Variants in ATP2A2 observed in about 807,000 individuals in gnomAD.
ATP2A2 encodes the protein ATPase sarcoplasmic/endoplasmic reticulum Ca2+ transporting 2.
ATP2A2 carries 14 observed loss-of-function variants against 109.3 expected under a neutral mutation model. The ratio of observed to expected loss-of-function variants is 0.13; its 90% CI spans 0.08 to 0.20. ATP2A2 has a LOEUF of 0.20. Ranked by LOEUF, ATP2A2 falls within the 10% of genes least tolerant of loss-of-function variation. The probability of loss-of-function intolerance (pLI) is 1.00; values close to 1 mark genes in which losing one functional copy is unlikely to be tolerated. For missense variants in ATP2A2, 657 were observed against 1,321.6 expected, an observed-to-expected ratio of 0.50 and a Z score of 7.80; for synonymous variants, 506 against 490.9, an observed-to-expected ratio of 1.03 and a Z score of -0.41.
intron 5 of ATP2A2, among the ~76,000 whole-genome samples, chr12:110,297,617 T>C (rs1172317469): frequency 6.6e-6 from 1 of 151,590 alleles, no homozygotes; most frequent in African/African-American, 2.4e-5. Flanking sequence ...TTTTTTTGTT[T>C]TGTTTTGTTT....
rs1872082015 is a variant in ATP2A2 at position 110,281,529 on chromosome 12, C to G, written c.-261C>G. 4.5e-6 allele frequency: 1 copy of G among 224,226 alleles called. No individual in the cohort carries two copies. The highest frequency in any genetic ancestry group is 8.7e-6 in the Non-Finnish European group (1 of 115,232). 13.9% of individuals were successfully genotyped at this position (224,226 alleles called of 1,614,324 possible). A position where few individuals can be genotyped will look rare whatever the true frequency, so the allele number is the denominator to read the frequency against. ...GCGGCTGAGGGCGAGGGAGGCCCTC[C>G]CTTCTGGCGAGGGGAGGGAGGGTGG... is the stretch of plus-strand genomic sequence containing the variant. On this transcript the variant is annotated 5_prime_UTR_variant, in exon 1 of 20. Transcript: ENST00000539276.
At position 110,348,164 on chromosome 12, in the gene ATP2A2, CTTAT is replaced by C. The variant is rs1395712054; in HGVS notation, c.*1700_*1703del. 2 of 985,446 alleles carry C rather than the reference CTTAT, an allele frequency of 2.0e-6. No homozygotes were observed. The highest frequency in any genetic ancestry group is 2.4e-6 in the Non-Finnish European group (2 of 829,958). 61.0% of individuals were successfully genotyped at this position (985,446 alleles called of 1,614,324 possible). A position where few individuals can be genotyped will look rare whatever the true frequency, so the allele number is the denominator to read the frequency against. The stretch of plus-strand genomic sequence containing the variant: ...CAGGAGTCATCCCAGAACATTGCTA[CTTAT>C]TTATTAAAAAGCTAAAAACTAGTGA... On this transcript the variant is annotated 3_prime_UTR_variant, in exon 20 of 20. Transcript: ENST00000539276.
At chr12:110,293,870 ATT>A (rs398021049) in intron 4 of ATP2A2, among the ~76,000 whole-genome samples, 1,081 of 73,120 alleles carry the variant, frequency 0.015, 16 homozygotes, top group African/African-American at 0.043. Context: ...GTGTGTATAT[ATT>A]TTTTTTTTTT....
intron 5 of ATP2A2, among the ~76,000 whole-genome samples, chr12:110,311,947 C>T (rs569047788): frequency 9.2e-5 from 14 of 151,388 alleles, no homozygotes; most frequent in African/African-American, 2.4e-4. Context: ...GAGGCTGAGA[C>T]GAGGTTCACT....
chr12:110,342,156 CA>C lies in ATP2A2; in HGVS notation c.2098-71del. On this transcript the variant is annotated intron_variant, in intron 14 of 19. Transcript: ENST00000539276. This position sits in a 1 kb window ranked among gnomAD's most constrained non-coding sequence, Gnocchi z 4.6. ...ATTCATTTTCCTCCTGCTTCCCATT[CA>C]GTGGGCTTTTGCCTAGGGGTATGAA... 5 of 1,531,916 alleles carry C rather than the reference CA, an allele frequency of 3.3e-6. No homozygotes were observed. The highest frequency in any genetic ancestry group is 4.5e-6 in the Non-Finnish European group (5 of 1,105,620). 94.9% of individuals were successfully genotyped at this position (1,531,916 alleles called of 1,614,324 possible). A position where few individuals can be genotyped will look rare whatever the true frequency, so the allele number is the denominator to read the frequency against.
At chr12:110,326,074 G>C (rs895323904) in intron 6 of ATP2A2, 1 of 395,864 alleles carries the variant, frequency 2.5e-6, no homozygotes, top group African/African-American at 2.0e-5. Context: ...CACAGTATCA[G>C]AGTATAAAAT....
intron 16 of ATP2A2, 34 bp from the exon 17 acceptor site, chr12:110,344,852 G>C (rs992722704): frequency 6.2e-7 from 1 of 1,609,834 alleles, no homozygotes; most frequent in African/African-American, 1.3e-5. Context: ...CCCTGCAGAG[G>C]CAAGTGCATC....
intron 9 of ATP2A2, among the ~76,000 whole-genome samples, 160 bp from the exon 10 acceptor site, chr12:110,333,021 G>T (rs180811331): frequency 2.5e-4 from 38 of 151,710 alleles, no homozygotes; most frequent in African/African-American, 9.2e-4. Flanking sequence ...TTTTGTTTTT[G>T]TCTAATATTG....
Position 110,350,464 on chromosome 12 carries a change from A to G in ATP2A2, c.*3994A>G. The G allele has an allele frequency of 8.8e-7, 1 of 1,134,422 alleles. No homozygotes were observed. 70.3% of individuals were successfully genotyped at this position (1,134,422 alleles called of 1,614,324 possible). On this transcript the variant is annotated 3_prime_UTR_variant, in exon 20 of 20. Transcript: ENST00000539276. ...TTTGTGTTATGTGGAGGAAATGTGT[A>G]TTACCAATGGGGTTGTTAGCTTTTA... is the stretch of plus-strand genomic sequence containing the variant.
rs745978021 is a variant in ATP2A2, at chr12:110,332,384, G to T, written c.1096-213G>T. On this transcript the variant is annotated intron_variant, in intron 8 of 19. Coordinates refer to ENST00000539276, the MANE Select transcript of ATP2A2 (RefSeq NM_170665.4). Reference sequence around the variant, plus strand: ...TTTTCATACTGTTCGATTGGTCGGGGGTGTGATGGGCGAAGCAGTCTAATA... The same window carrying T: ...TTTTCATACTGTTCGATTGGTCGGGTGTGTGATGGGCGAAGCAGTCTAATA... 113 of 582,232 alleles carry T rather than the reference G, an allele frequency of 1.9e-4. 1 individual carries two copies. Among genetic ancestry groups the T allele is most frequent in the South Asian group, 6.9e-4 (36 of 52,204 alleles). 36.1% of individuals were successfully genotyped at this position (582,232 alleles called of 1,614,324 possible).
At position 110,350,469 on chromosome 12, in the gene ATP2A2, C is replaced by T; in HGVS notation, c.*3999C>T. On this transcript the variant is annotated 3_prime_UTR_variant, in exon 20 of 20. Coordinates refer to ENST00000539276, the MANE Select transcript of ATP2A2 (RefSeq NM_170665.4). ...GTTATGTGGAGGAAATGTGTATTAC[C>T]AATGGGGTTGTTAGCTTTTAAATCA... 1 of 1,078,276 alleles carries T rather than the reference C, an allele frequency of 9.3e-7. No homozygotes were observed. Among genetic ancestry groups the T allele is most frequent in the East Asian group, 2.5e-5 (1 of 39,798 alleles). 66.8% of individuals were successfully genotyped at this position (1,078,276 alleles called of 1,614,324 possible). A position where few individuals can be genotyped will look rare whatever the true frequency, so the allele number is the denominator to read the frequency against.
chr12:110,296,005 A>C (rs1873922636), intron 4 of ATP2A2: 1 of 154,150 alleles, frequency 6.5e-6, no homozygotes, highest in South Asian at 2.0e-4. Context: ...TTTTATAGAC[A>C]GTAAACTTGT....
Position 110,281,297 on chromosome 12 carries a change from G to C in ATP2A2, c.-493G>C, listed in dbSNP as rs1342670390. 6.6e-6 allele frequency: 1 copy of C among 151,552 alleles called. No individual in the cohort carries two copies. Among genetic ancestry groups the C allele is most frequent in the Non-Finnish European group, 1.5e-5 (1 of 67,844 alleles). The allele number at this position is 151,552 out of a possible 1,614,324, so 9.4% of individuals were successfully genotyped here. On this transcript the variant is annotated 5_prime_UTR_variant, in exon 1 of 20. Coordinates refer to ENST00000539276, the MANE Select transcript of ATP2A2 (RefSeq NM_170665.4). ...CCCCGACGCCACCTCCTTTTCCTTC[G>C]CCGCAGTTTCCTCCGCCGCTGTCGG...
Position 110,335,929 on chromosome 12 carries a change from T to G in ATP2A2, c.1419+1786T>G, listed in dbSNP as rs879243159. ...CCTTTTATATGGCAGACAGGGTGATTGCTTGTTGGGCAAGAGCCCTCCTAC... is the reference window on the plus strand; with the variant it reads ...CCTTTTATATGGCAGACAGGGTGATGGCTTGTTGGGCAAGAGCCCTCCTAC... On this transcript the variant is annotated intron_variant, in intron 11 of 19. Transcript: ENST00000539276. Among the ~76,000 whole-genome samples, 8 of 152,324 alleles carry G rather than the reference T, an allele frequency of 5.3e-5. No homozygotes were observed. In the South Asian group the frequency reaches 1.7e-3, roughly 32 times the overall value.
intron 5 of ATP2A2, among the ~76,000 whole-genome samples, chr12:110,300,672 A>T (rs1444608279): frequency 1.2e-4 from 16 of 133,826 alleles, no homozygotes; most frequent in African/African-American, 4.2e-4. Flanking sequence ...TAAAGTAAAG[A>T]TGGGGTCTTG....
chr12:110,348,615 A>C lies in ATP2A2; in HGVS notation c.*2145A>C, dbSNP rs896738311. ...GGTGTGGTGGCTCATGCCTGTAAGT[A>C]AGTCTCAGCCCTTTGGAGGCCACAG... On this transcript the variant is annotated 3_prime_UTR_variant, in exon 20 of 20. Coordinates refer to ENST00000539276, the MANE Select transcript of ATP2A2 (RefSeq NM_170665.4). 19 of 985,390 alleles carry C rather than the reference A, an allele frequency of 1.9e-5. No individual in the cohort carries two copies. In the South Asian group the frequency reaches 2.8e-4, roughly 15 times the overall value. The allele number at this position is 985,390 out of a possible 1,614,324, so 61.0% of individuals were successfully genotyped here. A position where few individuals can be genotyped will look rare whatever the true frequency, so the allele number is the denominator to read the frequency against.
rs1880008699 is a variant in ATP2A2 at position 110,347,673 on chromosome 12, CCGTTACTA to C, written c.*1206_*1213del. On this transcript the variant is annotated 3_prime_UTR_variant, in exon 20 of 20. Transcript: ENST00000539276. ...TTGAATGTGGCACTAACCACCACCA[CCGTTACTA>C]CGATCAATGTTTGCGCATGTTCGAG... 1 of 1,171,994 alleles carries C rather than the reference CCGTTACTA, an allele frequency of 8.5e-7. No individual in the cohort carries two copies. Among genetic ancestry groups the C allele is most frequent in the Non-Finnish European group, 1.1e-6 (1 of 933,034 alleles). 72.6% of individuals were successfully genotyped at this position (1,171,994 alleles called of 1,614,324 possible).
intron 1 of ATP2A2, 133 bp downstream of exon 1, chr12:110,282,040 C>A: frequency 1.6e-6 from 1 of 615,770 alleles, no homozygotes. Flanking sequence ...CGGGCCAGCG[C>A]GCCGGCCCCG....
At chr12:110,297,078 C>T (rs148863583) in intron 5 of ATP2A2, among the ~76,000 whole-genome samples, 3 of 152,258 alleles carry the variant, frequency 2.0e-5, no homozygotes, top group Non-Finnish European at 2.9e-5. Flanking sequence ...TGGCTAATGA[C>T]GACACAGTTT....
Sources: gnomAD v4.1 joint callset for allele counts (sites outside exome capture counted in the v4.1 genomes callset) on GRCh38, gnomAD v4.1.1 for gene constraint, Gnocchi (gnomAD v3.1) non-coding constraint, MANE v1.5 for transcripts, NCBI Gene and HGNC (gene_info 2026-07-23, HGNC 2026-07-21) for gene names.